The following PCNX2 variants were observed in gnomAD, a reference collection of about 807,000 sequenced individuals.
The protein encoded by PCNX2 is pecanex-like protein 2.
Under a neutral mutation model 223.8 loss-of-function variants are expected in PCNX2, and 168 were observed. That is an observed-to-expected ratio of 0.75 (90% CI 0.66 to 0.85). PCNX2 has a LOEUF of 0.85. Ranked by LOEUF, PCNX2 falls within the 40% of genes least tolerant of loss-of-function variation. PCNX2 has a pLI of 0.00. For missense variants in PCNX2, 2,507 were observed against 2,675.5 expected, an observed-to-expected ratio of 0.94 and a Z score of 1.39; for synonymous variants, 1,006 against 1,052.6, an observed-to-expected ratio of 0.96 and a Z score of 0.86.
intron 28 of PCNX2, among the ~76,000 whole-genome samples, chr1:233,012,436 G>C (rs1670501593): frequency 1.3e-5 from 2 of 151,992 alleles, no homozygotes; most frequent in Non-Finnish European, 2.9e-5. Flanking sequence ...TCTTTTGTAA[G>C]TGAAAAAACT....
At chr1:233,134,628 A>T (rs1293552361) in intron 21 of PCNX2, among the ~76,000 whole-genome samples, 1 of 151,974 alleles carries the variant, frequency 6.6e-6, no homozygotes, top group East Asian at 1.9e-4. Flanking sequence ...GAAGGAAGGT[A>T]AGAAGGGAGG....
At chr1:232,993,595 G>A (rs1669777499) in intron 32 of PCNX2, among the ~76,000 whole-genome samples, 1 of 152,236 alleles carries the variant, frequency 6.6e-6, no homozygotes, top group African/African-American at 2.4e-5. Flanking sequence ...AGGAATTCAA[G>A]CTCGCTGCAG....
At chr1:233,058,544 A>G (rs1418537884) in intron 23 of PCNX2, 3 of 152,200 alleles carry the variant, frequency 2.0e-5, no homozygotes, top group Non-Finnish European at 4.4e-5. Context: ...TTCCACAAAT[A>G]TATCAGCATC....
At chr1:233,027,546 G>C (rs1671123415) in intron 25 of PCNX2, among the ~76,000 whole-genome samples, 1 of 152,126 alleles carries the variant, frequency 6.6e-6, no homozygotes, top group African/African-American at 2.4e-5. Context: ...AGAAACCATA[G>C]ACATCCAACT....
chr1:233,144,048 G>A (rs115562318), intron 19 of PCNX2, among the ~76,000 whole-genome samples: 1,617 of 152,168 alleles, frequency 0.011, 20 homozygotes, highest in Middle Eastern at 0.02. Flanking sequence ...GGGCATGGTG[G>A]TGTGTGCTTG....
At chr1:233,121,892 A>G (rs1241934812) in intron 21 of PCNX2, among the ~76,000 whole-genome samples, 1 of 152,200 alleles carries the variant, frequency 6.6e-6, no homozygotes, top group Non-Finnish European at 1.5e-5. Flanking sequence ...TTGCTCTTTC[A>G]GCTGAGAATG....
At chr1:232,999,789 C>T (rs1670015284) in intron 30 of PCNX2, among the ~76,000 whole-genome samples, 1 of 152,158 alleles carries the variant, frequency 6.6e-6, no homozygotes, top group Non-Finnish European at 1.5e-5. Context: ...TGGTGTAAAG[C>T]TCTTTTCACA....
chr1:233,185,886 A>C (rs2102870098), intron 15 of PCNX2, among the ~76,000 whole-genome samples: 1 of 152,286 alleles, frequency 6.6e-6, no homozygotes, highest in East Asian at 1.9e-4. Context: ...GGTTTCATAA[A>C]ACTCCCACAG....
At chr1:233,081,303 G>A (rs565440262) in intron 23 of PCNX2, among the ~76,000 whole-genome samples, 6 of 152,190 alleles carry the variant, frequency 3.9e-5, no homozygotes, top group South Asian at 2.1e-4. Flanking sequence ...CCGAGATCAC[G>A]CCACTGCACT....
chr1:233,013,885 G>A (rs375542721), intron 28 of PCNX2, among the ~76,000 whole-genome samples: 17 of 152,302 alleles, frequency 1.1e-4, no homozygotes, highest in Middle Eastern at 3.4e-3. Context: ...AGGTTTTAAC[G>A]TGCACGTGGG....
At chr1:233,047,037 C>T (rs1293951312) in intron 25 of PCNX2, among the ~76,000 whole-genome samples, 1 of 152,164 alleles carries the variant, frequency 6.6e-6, no homozygotes. Flanking sequence ...GATGCCTAGT[C>T]TGGCCTCTGG....
At chr1:233,089,962 G>A in intron 23 of PCNX2, 99 bp downstream of exon 23, 2 of 1,561,004 alleles carry the variant, frequency 1.3e-6, no homozygotes, top group Non-Finnish European at 1.7e-6. Flanking sequence ...ACAGCAGGGG[G>A]AAGCCTGGAG....
intron 26 of PCNX2, among the ~76,000 whole-genome samples, chr1:233,022,384 T>C (rs1437140044): frequency 6.6e-6 from 1 of 150,650 alleles, no homozygotes; most frequent in Non-Finnish European, 1.5e-5. Flanking sequence ...TGCCATAGAG[T>C]GAAGTAGGAA....
intron 23 of PCNX2, among the ~76,000 whole-genome samples, chr1:233,080,387 C>T (rs1303923329): frequency 7.1e-6 from 1 of 140,754 alleles, no homozygotes; most frequent in Non-Finnish European, 1.5e-5. Context: ...TTCATCCATA[C>T]ACACACACAC....
intron 19 of PCNX2, among the ~76,000 whole-genome samples, chr1:233,141,037 A>T (rs1266228655): frequency 6.6e-6 from 1 of 152,092 alleles, no homozygotes; most frequent in East Asian, 1.9e-4. Flanking sequence ...AACAATTTAT[A>T]GTAAAAAAAA....
chr1:233,045,754 G>T (rs1244543374), intron 25 of PCNX2, among the ~76,000 whole-genome samples: 1 of 152,204 alleles, frequency 6.6e-6, no homozygotes, highest in Non-Finnish European at 1.5e-5. Flanking sequence ...TGGAAGGGAG[G>T]TGTTCATCCA....
chr1:233,271,839 A>G (rs1037013770), intron 1 of PCNX2, among the ~76,000 whole-genome samples: 3 of 152,082 alleles, frequency 2.0e-5, no homozygotes, highest in African/African-American at 7.2e-5. Flanking sequence ...TTATGTGCCT[A>G]TTTTTATACC....
chr1:233,180,846 C>T (rs1246685701), intron 15 of PCNX2: 1 of 152,226 alleles, frequency 6.6e-6, no homozygotes, highest in East Asian at 1.9e-4. Context: ...GACGCACTCT[C>T]CACACAGCTC....
chr1:233,086,398 C>T (rs1203280637), intron 23 of PCNX2, among the ~76,000 whole-genome samples: 2 of 152,110 alleles, frequency 1.3e-5, no homozygotes, highest in East Asian at 3.9e-4. Context: ...TGGCTCACGC[C>T]TGTAATCCCA....
Sources: gnomAD v4.1 joint callset for allele counts (sites outside exome capture counted in the v4.1 genomes callset) on GRCh38, gnomAD v4.1.1 for gene constraint, MANE v1.5 for transcripts, NCBI Gene and HGNC (gene_info 2026-07-23, HGNC 2026-07-21) for gene names.